The following PLCH1 variants were observed in gnomAD, a reference collection of about 807,000 sequenced individuals.
PLCH1 encodes 1-phosphatidylinositol 4,5-bisphosphate phosphodiesterase eta-1.
Under a neutral mutation model 126.7 loss-of-function variants are expected in PLCH1, and 60 were observed. That is an observed-to-expected ratio of 0.47 (90% CI 0.38 to 0.59). The LOEUF (loss-of-function observed/expected upper bound fraction) is 0.59. Ranked by LOEUF, PLCH1 falls within the 20% of genes least tolerant of loss-of-function variation. The pLI is 0.00. For missense variants in PLCH1, 1,723 were observed against 2,040.0 expected, an observed-to-expected ratio of 0.84 and a Z score of 2.99; for synonymous variants, 719 against 734.9, an observed-to-expected ratio of 0.98 and a Z score of 0.35.
chr3:155,582,577 A>T (rs1002060119), intron 6 of PLCH1, among the ~76,000 whole-genome samples: 4 of 152,190 alleles, frequency 2.6e-5, no homozygotes, highest in Non-Finnish European at 4.4e-5. Context: ...TGTACTATAT[A>T]GTCCAAATAT....
chr3:155,587,746 T>A (rs189639), intron 4 of PLCH1, among the ~76,000 whole-genome samples: 2 of 152,046 alleles, frequency 1.3e-5, no homozygotes, highest in Admixed American at 1.3e-4. Context: ...CTTGGGTTGC[T>A]TTACATAGTG....
At chr3:155,684,364 G>A (rs969783301) in intron 2 of PLCH1, among the ~76,000 whole-genome samples, 1 of 152,094 alleles carries the variant, frequency 6.6e-6, no homozygotes, top group African/African-American at 2.4e-5. Flanking sequence ...AAACTCAAAG[G>A]CCTGACTAAA....
intron 9 of PLCH1, 55 bp downstream of exon 9, chr3:155,554,021 G>A: frequency 2.5e-6 from 4 of 1,574,864 alleles, no homozygotes; most frequent in African/African-American, 2.7e-5. Flanking sequence ...CGTTACATCA[G>A]GCAATGCTCC....
intron 10 of PLCH1, among the ~76,000 whole-genome samples, chr3:155,525,359 C>T (rs1406402378): frequency 6.6e-6 from 1 of 152,070 alleles, no homozygotes; most frequent in African/African-American, 2.4e-5. Flanking sequence ...CTCCCTTGCC[C>T]CTTCTGTCAC....
chr3:155,465,262 G>T (rs1306734479), intron 21 of PLCH1, among the ~76,000 whole-genome samples: 2 of 152,152 alleles, frequency 1.3e-5, no homozygotes, highest in Non-Finnish European at 2.9e-5. Flanking sequence ...AAGGAAGAGT[G>T]GGGAGGACTG....
At chr3:155,577,661 T>C (rs1730159048) in intron 6 of PLCH1, among the ~76,000 whole-genome samples, 1 of 152,212 alleles carries the variant, frequency 6.6e-6, no homozygotes, top group Non-Finnish European at 1.5e-5. Context: ...TTAAACTATA[T>C]ACAGTTAATC....
intron 2 of PLCH1, among the ~76,000 whole-genome samples, chr3:155,698,348 GTA>G (rs1319222231): frequency 2.0e-5 from 3 of 152,198 alleles, no homozygotes; most frequent in African/African-American, 7.2e-5. Context: ...TCAAAGAAGA[GTA>G]TATGTTCCCA....
Position 155,566,148 on chromosome 3 carries a change from T to C in PLCH1, c.866-1030A>G, listed in dbSNP as rs868032031. On this transcript the variant is annotated intron_variant, in intron 7 of 22. Coordinates refer to ENST00000460012, the MANE Select transcript of PLCH1 (RefSeq NM_014996.4). ...GTATATATACATATATATGTATATA[T>C]ACATATATACACATACATATATACA... is the stretch of plus-strand genomic sequence containing the variant. Among the ~76,000 whole-genome samples, 35 of 133,980 alleles carry C rather than the reference T, an allele frequency of 2.6e-4. 1 individual carries two copies. The highest frequency in any genetic ancestry group is 9.2e-4 in the African/African-American group (35 of 38,062). 87.9% of individuals were successfully genotyped at this position (133,980 alleles called of 152,430 possible).
chr3:155,514,607 C>A (rs1720052877), intron 12 of PLCH1, 116 bp downstream of exon 12: 2 of 653,762 alleles, frequency 3.1e-6, no homozygotes, highest in Admixed American at 3.5e-5. Flanking sequence ...ATTTCTCAAG[C>A]AAAATGAGGA....
chr3:155,673,044 T>G, intron 2 of PLCH1, among the ~76,000 whole-genome samples: 1 of 142,012 alleles, frequency 7.0e-6, no homozygotes, highest in African/African-American at 2.7e-5. Context: ...AAACCTTCTG[T>G]TGCCTTTTTT....
At chr3:155,692,886 A>G (rs410115) in intron 2 of PLCH1, among the ~76,000 whole-genome samples, 79,019 of 151,750 alleles carry the variant, frequency 0.52, 21,832 homozygotes, top group East Asian at 0.72. Context: ...CCTCCTCAGA[A>G]TAGCTGGGAT....
intron 2 of PLCH1, among the ~76,000 whole-genome samples, chr3:155,628,470 C>T (rs1434975318): frequency 6.6e-6 from 1 of 151,574 alleles, no homozygotes; most frequent in Non-Finnish European, 1.5e-5. Flanking sequence ...TGATCATATC[C>T]TTTTGCCATC....
chr3:155,661,462 T>C (rs1192244530), intron 2 of PLCH1, among the ~76,000 whole-genome samples: 36 of 152,286 alleles, frequency 2.4e-4, no homozygotes, highest in Non-Finnish European at 7.3e-5. Flanking sequence ...TGAGCCTTGG[T>C]TCTAATTGCT....
intron 8 of PLCH1, among the ~76,000 whole-genome samples, chr3:155,561,493 A>G (rs1727610425): frequency 6.6e-6 from 1 of 151,506 alleles, no homozygotes; most frequent in Non-Finnish European, 1.5e-5. Flanking sequence ...ATAGTATTCC[A>G]TGGTGTATAT....
intron 1 of PLCH1, among the ~76,000 whole-genome samples, chr3:155,718,731 G>A (rs960070884): frequency 6.6e-6 from 1 of 152,044 alleles, no homozygotes; most frequent in African/African-American, 2.4e-5. Flanking sequence ...CAAGCCATGA[G>A]GGATGACCCA....
chr3:155,561,757 A>T (rs907513314), intron 8 of PLCH1, among the ~76,000 whole-genome samples: 2 of 151,948 alleles, frequency 1.3e-5, no homozygotes, highest in Non-Finnish European at 2.9e-5. Flanking sequence ...CCAACAGTGT[A>T]AAAGTGTTCC....
chr3:155,722,309 C>A (rs144404418), intron 1 of PLCH1, among the ~76,000 whole-genome samples: 9 of 151,892 alleles, frequency 5.9e-5, no homozygotes, highest in Non-Finnish European at 1.3e-4. Context: ...GATTAAGGCA[C>A]GCACCACCAC....
At chr3:155,456,958 A>G (rs1417021069) in intron 21 of PLCH1, 2 of 152,696 alleles carry the variant, frequency 1.3e-5, no homozygotes, top group South Asian at 2.1e-4. Context: ...TCCCTTCCAC[A>G]GGAGGTCATC....
rs529150266 is a variant in PLCH1 at position 155,514,821 on chromosome 3, T to C, written c.1534A>G (p.Lys512Glu). 13 of 1,612,800 alleles carry C rather than the reference T, an allele frequency of 8.1e-6. No homozygotes were observed. The East Asian group carries it at 2.9e-4, about 36-fold the overall frequency. ...FIRKKLESLLKESQIRDKEDP... is the reference protein window; with the variant it reads ...FIRKKLESLLEESQIRDKEDP... ...TCTTTATCTCGAATTTGAGATTCTT[T>C]TAACAGTGACTCCAGTTTTTTCCTT... The change falls in exon 12 of 23, where the codon AAA becomes GAA. Residue 512 changes from lysine (K) to glutamate (E), a missense_variant. Coordinates refer to ENST00000460012, the MANE Select transcript of PLCH1 (RefSeq NM_014996.4).
Sources: gnomAD v4.1 joint callset for allele counts (sites outside exome capture counted in the v4.1 genomes callset) on GRCh38, gnomAD v4.1.1 for gene constraint, MANE v1.5 for transcripts, NCBI Gene and HGNC (gene_info 2026-07-23, HGNC 2026-07-21) for gene names.